Variants in RARB observed in about 807,000 individuals in gnomAD.
RARB encodes the protein retinoic acid receptor beta, also known as HBV-activated protein.
Under a neutral mutation model 51.9 loss-of-function variants are expected in RARB, and 17 were observed. The observed-to-expected ratio is 0.33, with a 90% CI of 0.22 to 0.49. The LOEUF (loss-of-function observed/expected upper bound fraction) is 0.49. Among genes scored for constraint, RARB ranks in the 20% least tolerant of loss-of-function variants. The pLI is 0.99. For synonymous variants in RARB, 215 were observed against 195.4 expected (o/e 1.10, Z -0.84); for missense variants, 369 against 550.8 (o/e 0.67, Z 3.30).
Position 25,580,231 on chromosome 3 carries a change from G to A in RARB, c.610-315G>A, listed in dbSNP as rs539764701. Among the ~76,000 whole-genome samples, 8 of 152,318 alleles carry A rather than the reference G, an allele frequency of 5.3e-5. No individual in the cohort carries two copies. The East Asian group carries it at 5.8e-4, about 11-fold the overall frequency. On this transcript the variant is annotated intron_variant, in intron 4 of 7. Transcript: ENST00000330688. ...CTGCTAAAAATACAAAAGGTTAGCT[G>A]GGCATGGTGGCACACGCCTGTAATC...
chr3:25,308,598 A>T (rs893652213), intron 5 of RARB, among the ~76,000 whole-genome samples: 1 of 151,658 alleles, frequency 6.6e-6, no homozygotes. Flanking sequence ...ACAGGCATGC[A>T]TTGCCATGCC....
chr3:25,389,655 A>G (rs6784087), intron 5 of RARB, among the ~76,000 whole-genome samples: 1,735 of 152,288 alleles, frequency 0.011, 39 homozygotes, highest in African/African-American at 0.04. Context: ...CATTAATTTT[A>G]CAAGTATTTA....
rs527814343 is a variant in RARB, at chr3:24,895,467, C to T, written c.-380+36715C>T. Among the ~76,000 whole-genome samples the T allele has an allele frequency of 2.0e-5, 3 of 152,248 alleles. No homozygotes were observed. The East Asian group carries it at 5.8e-4, about 29-fold the overall frequency. ...AAGCCCTAGAGTTTGGGTTCACAAG[C>T]CACACATTGAACAACTGTTCTAGAT... On this transcript the variant is annotated intron_variant, in intron 2 of 11. Coordinates refer to the RARB transcript ENST00000383772.
intron 5 of RARB, among the ~76,000 whole-genome samples, chr3:25,197,025 C>T (rs1407817682): frequency 6.6e-6 from 1 of 152,082 alleles, no homozygotes; most frequent in Admixed American, 6.6e-5. Flanking sequence ...GTTGCCTGTT[C>T]ACTCTCATGG....
In RARB at chr3:25,274,588, G is replaced by C. The variant is rs577428951; in HGVS notation, c.178+100013G>C. ...CCTAAGACACATCTCATGTGTATTT[G>C]CTGTAATAATGCTGTGAAACAACCC... On this transcript the variant is annotated intron_variant, in intron 5 of 11. Transcript: ENST00000383772. Among the ~76,000 whole-genome samples the C allele has an allele frequency of 2.6e-5, 4 of 152,314 alleles. No homozygotes were observed. The South Asian group carries it at 8.3e-4, about 32-fold the overall frequency.
At chr3:25,248,188 A>T (rs527898956) in intron 5 of RARB, among the ~76,000 whole-genome samples, 1 of 151,572 alleles carries the variant, frequency 6.6e-6, no homozygotes, top group African/African-American at 2.4e-5. Context: ...AAGTATAGCT[A>T]CTCCTGCTCA....
intron 5 of RARB, among the ~76,000 whole-genome samples, chr3:25,408,104 G>A (rs1707462216): frequency 2.0e-5 from 3 of 152,024 alleles, no homozygotes; most frequent in Admixed American, 2.0e-4. Context: ...GTCTGTTTCT[G>A]GGGGACCAAA....
At chr3:25,040,849 C>G (rs1399724179) in intron 2 of RARB, among the ~76,000 whole-genome samples, 1 of 152,084 alleles carries the variant, frequency 6.6e-6, no homozygotes, top group East Asian at 1.9e-4. Flanking sequence ...CAAAATAGTC[C>G]TAGGAGGTGG....
At chr3:24,837,985 A>G (rs1191506106) in intron 1 of RARB, among the ~76,000 whole-genome samples, 1 of 152,240 alleles carries the variant, frequency 6.6e-6, no homozygotes, top group East Asian at 1.9e-4. Flanking sequence ...AAATCAAGGC[A>G]TCAGCTACCC....
In RARB at chr3:24,874,996, C is replaced by T. The variant is rs556005124; in HGVS notation, c.-380+16244C>T. Among the ~76,000 whole-genome samples, 14 of 151,996 alleles carry T rather than the reference C, an allele frequency of 9.2e-5. No homozygotes were observed. The East Asian group carries it at 2.5e-3, about 27-fold the overall frequency. On this transcript the variant is annotated intron_variant, in intron 2 of 11. Coordinates refer to the RARB transcript ENST00000383772. ...ATCTAATGCTTATTAATATCTTTAC[C>T]TCCTCCCAAACAATATGTAAACCTT...
chr3:25,333,640 C>G (rs569848353), intron 5 of RARB, among the ~76,000 whole-genome samples: 1 of 152,160 alleles, frequency 6.6e-6, no homozygotes, highest in Non-Finnish European at 1.5e-5. Flanking sequence ...GTCTAAAACA[C>G]CAAAAGCAAT....
At chr3:25,394,654 C>A (rs1443200012) in intron 5 of RARB, among the ~76,000 whole-genome samples, 1 of 151,994 alleles carries the variant, frequency 6.6e-6, no homozygotes, top group African/African-American at 2.4e-5. Flanking sequence ...TTATGTAATG[C>A]CTCTCTTTGT....
chr3:25,561,487 G>T (rs529189752), intron 3 of RARB, among the ~76,000 whole-genome samples: 2 of 151,544 alleles, frequency 1.3e-5, no homozygotes, highest in Admixed American at 1.3e-4. Context: ...TGTACTTCTG[G>T]GTTCACTGGG....
At chr3:24,969,089 A>T (rs1481781994) in intron 2 of RARB, among the ~76,000 whole-genome samples, 1 of 152,126 alleles carries the variant, frequency 6.6e-6, no homozygotes, top group East Asian at 1.9e-4. Flanking sequence ...ATTTAGAATC[A>T]TTCACAAAAT....
chr3:25,010,443 GA>G (rs1215282498), intron 2 of RARB, among the ~76,000 whole-genome samples: 2 of 152,058 alleles, frequency 1.3e-5, no homozygotes, highest in Admixed American at 1.3e-4. Flanking sequence ...CAAAAAGTGT[GA>G]TATTTTACTT....
chr3:25,122,972 G>C (rs148161247), intron 3 of RARB, among the ~76,000 whole-genome samples: 5 of 152,074 alleles, frequency 3.3e-5, no homozygotes, highest in African/African-American at 1.2e-4. Context: ...ACCCCACTTC[G>C]CCACAGCACA....
intron 2 of RARB, among the ~76,000 whole-genome samples, chr3:24,890,373 A>G (rs1703354892): frequency 6.6e-6 from 1 of 152,180 alleles, no homozygotes; most frequent in East Asian, 1.9e-4. Flanking sequence ...GATTCCAGAA[A>G]TTGAAGAATC....
intron 5 of RARB, among the ~76,000 whole-genome samples, chr3:25,361,774 T>TTC (rs1463310199): frequency 6.6e-6 from 1 of 152,200 alleles, no homozygotes; most frequent in Non-Finnish European, 1.5e-5. Flanking sequence ...CTGGGGTCCA[T>TTC]TCCAGACCCT....
intron 5 of RARB, among the ~76,000 whole-genome samples, chr3:25,583,977 T>C (rs3773429): frequency 0.078 from 11,886 of 152,190 alleles, 712 homozygotes; most frequent in African/African-American, 0.15. Flanking sequence ...TCTGCCCCCA[T>C]GTTTCCTTCT....
Sources: allele counts gnomAD v4.1 joint callset (sites outside exome capture counted in the v4.1 genomes callset), GRCh38; gene constraint gnomAD v4.1.1; transcripts MANE v1.5; gene names NCBI Gene and HGNC (gene_info 2026-07-23, HGNC 2026-07-21).